Variants in COL25A1 observed in about 807,000 individuals in gnomAD.
COL25A1 encodes the protein collagen type XXV alpha 1 chain, also known as collagen alpha-1(XXV) chain.
COL25A1 carries 103 observed loss-of-function variants against 128.4 expected under a neutral mutation model. The ratio of observed to expected loss-of-function variants is 0.80; its 90% CI spans 0.68 to 0.94. The LOEUF is 0.94. Ranked by LOEUF, COL25A1 falls within the 40% of genes least tolerant of loss-of-function variation. The pLI, the probability that COL25A1 is intolerant of heterozygous loss-of-function variation, is 0.00. For synonymous variants in COL25A1, 279 were observed against 277.2 expected (o/e 1.01, Z -0.06); for missense variants, 745 against 840.0 (o/e 0.89, Z 1.40).
At chr4:109,218,347 G>T (rs186820171) in intron 3 of COL25A1, among the ~76,000 whole-genome samples, 1,118 of 76,320 alleles carry the variant, frequency 0.015, 17 homozygotes, top group Non-Finnish European at 0.016. Flanking sequence ...TCAATTGCTG[G>T]TTTTTTGGGG....
chr4:109,164,567 T>G lies in COL25A1; in HGVS notation c.368-114388A>C, dbSNP rs576739306. On this transcript the variant is annotated intron_variant, in intron 3 of 37. Coordinates refer to ENST00000399132, the MANE Select transcript of COL25A1 (RefSeq NM_198721.4). ...TGTGAACAGTGTTGGTTACTCCAAC[T>G]AGTGCAAGTTTGTAATTCAAACTAG... Among the ~76,000 whole-genome samples the G allele has an allele frequency of 1.4e-4, 21 of 152,308 alleles. 1 individual carries two copies. The highest frequency in any genetic ancestry group is 5.1e-4 in the African/African-American group (21 of 41,570).
chr4:109,219,642 C>T (rs1250662839), intron 3 of COL25A1, among the ~76,000 whole-genome samples: 2 of 152,102 alleles, frequency 1.3e-5, no homozygotes, highest in Non-Finnish European at 2.9e-5. Flanking sequence ...TAATTCCTGT[C>T]TATTATTTTC....
intron 8 of COL25A1, among the ~76,000 whole-genome samples, chr4:108,966,768 C>G (rs1751346923): frequency 6.6e-6 from 1 of 151,786 alleles, no homozygotes; most frequent in Non-Finnish European, 1.5e-5. Flanking sequence ...GGAGGATCAC[C>G]TGAGCCTTGG....
At chr4:109,161,979 G>T (rs1254386986) in intron 3 of COL25A1, among the ~76,000 whole-genome samples, 1 of 152,140 alleles carries the variant, frequency 6.6e-6, no homozygotes, top group Non-Finnish European at 1.5e-5. Context: ...TTCCTGTGTG[G>T]TCTCTGCCAG....
intron 3 of COL25A1, among the ~76,000 whole-genome samples, chr4:109,205,886 C>T (rs916380607): frequency 1.3e-5 from 2 of 152,044 alleles, no homozygotes; most frequent in Non-Finnish European, 2.9e-5. Context: ...AATAACAATG[C>T]TTTAAGATTG....
rs1171848668 is a variant in COL25A1, at chr4:108,901,161, C to T, written c.792G>A (p.Gly264=). 1.2e-6 allele frequency: 2 copies of T among 1,611,706 alleles called. No individual in the cohort carries two copies. The highest frequency in any genetic ancestry group is 4.5e-5 in the East Asian group (2 of 44,826). Residue 264 remains glycine (G), a synonymous_variant, in exon 14 of 38, where the codon GGG becomes GGA. Transcript: ENST00000399132. ...PGMNGQKGEP[G]LPGAVGQNGI... is the part of the protein sequence containing the mutation. ...CATTCTGTCCTACTGCTCCAGGCAA[C>T]CCGGGCTCACCCTCAAAATAGAAAA...
intron 3 of COL25A1, among the ~76,000 whole-genome samples, chr4:109,233,534 T>A (rs1044193686): frequency 6.7e-6 from 1 of 149,712 alleles, no homozygotes; most frequent in Non-Finnish European, 1.5e-5. Flanking sequence ...AGGAAGCTCA[T>A]TGAGCACTGA....
At chr4:109,173,518 C>T (rs1384179649) in intron 3 of COL25A1, among the ~76,000 whole-genome samples, 1 of 151,948 alleles carries the variant, frequency 6.6e-6, no homozygotes, top group Non-Finnish European at 1.5e-5. Flanking sequence ...TAAGAATATG[C>T]AAAGTTATAC....
intron 3 of COL25A1, among the ~76,000 whole-genome samples, chr4:109,135,728 A>G (rs757979419): frequency 2.0e-5 from 3 of 152,184 alleles, no homozygotes; most frequent in African/African-American, 7.2e-5. Flanking sequence ...ATAAAGTCAT[A>G]AAGCATGAGA....
chr4:109,242,184 C>T (rs560352958), intron 3 of COL25A1, among the ~76,000 whole-genome samples: 179 of 152,162 alleles, frequency 1.2e-3, no homozygotes, highest in African/African-American at 4.0e-3. Flanking sequence ...TTTCTACAAA[C>T]GCTCTAATAG....
intron 21 of COL25A1, among the ~76,000 whole-genome samples, chr4:108,862,818 A>T (rs746662895): frequency 6.6e-6 from 1 of 152,194 alleles, no homozygotes; most frequent in African/African-American, 2.4e-5. Flanking sequence ...TAGTCTCAAC[A>T]GTGTTTGGCT....
intron 3 of COL25A1, among the ~76,000 whole-genome samples, chr4:109,261,703 CT>C (rs200946861): frequency 0.22 from 31,420 of 144,102 alleles, 3,648 homozygotes; most frequent in Middle Eastern, 0.31. Flanking sequence ...TTTCTTTTTT[CT>C]TTTTTTTTTT....
intron 5 of COL25A1, among the ~76,000 whole-genome samples, chr4:109,040,713 A>T (rs902062487): frequency 2.0e-5 from 3 of 152,084 alleles, no homozygotes; most frequent in African/African-American, 7.2e-5. Context: ...GTGACATGAC[A>T]CTCTATTTGT....
chr4:108,938,498 A>ACG, intron 10 of COL25A1, among the ~76,000 whole-genome samples: 1 of 152,292 alleles, frequency 6.6e-6, no homozygotes, highest in African/African-American at 2.4e-5. Context: ...GGACTGTGTG[A>ACG]GCCCAGGTCT....
intron 35 of COL25A1, among the ~76,000 whole-genome samples, chr4:108,822,336 G>A (rs752572649): frequency 1.3e-4 from 20 of 151,966 alleles, no homozygotes; most frequent in Non-Finnish European, 2.8e-4. Context: ...GAGCCACCAC[G>A]CCCGGCGGTA....
chr4:108,884,187 C>T lies in COL25A1; in HGVS notation c.1011G>A (p.Pro337=), dbSNP rs746222444. The T allele has an allele frequency of 1.1e-4, 170 of 1,613,586 alleles. No individual in the cohort carries two copies. The highest frequency in any genetic ancestry group is 4.9e-4 in the Middle Eastern group (3 of 6,080). Residue 337 remains proline, a synonymous_variant, in exon 19 of 38, where the codon CCG becomes CCA. Coordinates refer to ENST00000399132, the MANE Select transcript of COL25A1 (RefSeq NM_198721.4). The part of the protein sequence containing the change: ...EPGLPGLPGL[P]GIKGEPGFIG... ...TCCGTGCAGTATTTACCTTTATCCC[C>T]GGAAGTCCAGGAAGCCCAGGAAGCC...
At chr4:108,948,175 AG>A (rs1748997100) in intron 8 of COL25A1, among the ~76,000 whole-genome samples, 1 of 152,228 alleles carries the variant, frequency 6.6e-6, no homozygotes, top group African/African-American at 2.4e-5. Flanking sequence ...AGAAACTGCT[AG>A]AAGGCTAAAT....
chr4:108,824,013 A>T, intron 35 of COL25A1, 161 bp downstream of exon 35: 10 of 1,598,182 alleles, frequency 6.3e-6, no homozygotes, highest in Non-Finnish European at 8.5e-6. Flanking sequence ...AGCCTTCTTC[A>T]TTCCTCTCTG....
At chr4:109,099,557 A>G (rs1016161333) in intron 3 of COL25A1, among the ~76,000 whole-genome samples, 4 of 151,988 alleles carry the variant, frequency 2.6e-5, no homozygotes, top group Non-Finnish European at 4.4e-5. Context: ...TGTAGAACCA[A>G]TAATTGAATA....
Sources: allele counts gnomAD v4.1 joint callset (sites outside exome capture counted in the v4.1 genomes callset), GRCh38; gene constraint gnomAD v4.1.1; transcripts MANE v1.5; gene names NCBI Gene and HGNC (gene_info 2026-07-23, HGNC 2026-07-21).